The following TG variants were observed in gnomAD, a reference collection of about 807,000 sequenced individuals.
The protein encoded by TG is thyroglobulin.
In TG, 270 loss-of-function variants were observed where a neutral mutation model predicts 324.7. The ratio of observed to expected loss-of-function variants is 0.83; its 90% CI spans 0.75 to 0.92. The LOEUF is 0.92. TG is among the 40% of genes least tolerant of loss of function. The pLI is 0.00. For synonymous variants in TG, 1,401 were observed against 1,327.0 expected, an observed-to-expected ratio of 1.06 and a Z score of -1.21; for missense variants, 3,591 against 3,456.4, an observed-to-expected ratio of 1.04 and a Z score of -0.98.
chr8:132,906,516 G>A lies in TG; in HGVS notation c.3635-172G>A, dbSNP rs567443186. On this transcript the variant is annotated intron_variant, in intron 16 of 47. Transcript: ENST00000220616. ...TGGGCTCATCCAAGTAGAGGGCAGG[G>A]CAGAGAGAAAGGGGAGCAGGCCCAG... is the stretch of plus-strand genomic sequence containing the variant. 2.6e-5 allele frequency among the ~76,000 whole-genome samples: 4 copies of A among 152,192 alleles called. No individual in the cohort carries two copies. The South Asian group carries it at 6.2e-4, about 24-fold the overall frequency.
At chr8:133,014,682 G>A (rs1168934966) in intron 37 of TG, among the ~76,000 whole-genome samples, 1 of 152,174 alleles carries the variant, frequency 6.6e-6, no homozygotes, top group Non-Finnish European at 1.5e-5. Context: ...GCCCCATGCT[G>A]TCCTAGAGCA....
Position 133,011,917 on chromosome 8 carries a change from G to A in TG, c.6279G>A (p.Trp2093Ter), listed in dbSNP as rs1239097330. The change falls in exon 36 of 48, where the codon TGG becomes TGA. Residue 2093 changes from tryptophan to a stop codon, truncating the protein, a stop_gained. Coordinates refer to ENST00000220616, the MANE Select transcript of TG (RefSeq NM_003235.5). LOFTEE classifies it high-confidence loss of function. ...SLTEKVSLDS[W>*]QSLALSSVVV... ...CTCTCCTAGTGTCTCTGGACTCGTG[G>A]CAGTCCCTGGCCCTCTCTTCAGTGG... is the stretch of plus-strand genomic sequence containing the variant. 1 of 1,614,186 alleles carries A rather than the reference G, an allele frequency of 6.2e-7. No homozygotes were observed. The highest frequency in any genetic ancestry group is 8.5e-7 in the Non-Finnish European group (1 of 1,180,036).
At chr8:133,007,709 G>A (rs1834144568) in intron 35 of TG, among the ~76,000 whole-genome samples, 2 of 151,254 alleles carry the variant, frequency 1.3e-5, no homozygotes, top group South Asian at 4.2e-4. Context: ...TGGGATTAAA[G>A]ACAATTAAAG....
At chr8:133,071,557 C>G (rs2739149) in intron 41 of TG, among the ~76,000 whole-genome samples, 59,045 of 151,864 alleles carry the variant, frequency 0.39, 11,972 homozygotes, top group Non-Finnish European at 0.46. Context: ...GGTGGGTCCA[C>G]ACACTCTGGT....
chr8:132,946,442 G>C (rs894089070), intron 26 of TG, among the ~76,000 whole-genome samples: 1 of 152,050 alleles, frequency 6.6e-6, no homozygotes, highest in Non-Finnish European at 1.5e-5. Flanking sequence ...ATAAAGTATC[G>C]GGCAGATGTT....
At chr8:133,026,257 G>C (rs1181575841) in intron 40 of TG, among the ~76,000 whole-genome samples, 2 of 152,196 alleles carry the variant, frequency 1.3e-5, no homozygotes, top group African/African-American at 4.8e-5. Context: ...CGGTCCCTGA[G>C]AGCCCCAGAC....
Position 132,887,465 on chromosome 8 carries a change from G to T in TG, c.2093G>T (p.Cys698Phe), listed in dbSNP as rs551099486. The change falls in exon 9 of 48, where the codon TGC becomes TTC. Residue 698 changes from cysteine (C) to phenylalanine (F), a missense_variant. Coordinates refer to ENST00000220616, the MANE Select transcript of TG (RefSeq NM_003235.5). ...TSEGHFLPVQ[C>F]FNSECYCVDA... Reference sequence around the variant, plus strand: ...GAGGGACATTTCCTGCCTGTCCAGTGCTTCAACTCAGAGTGCTACTGTGTT... The same window carrying T: ...GAGGGACATTTCCTGCCTGTCCAGTTCTTCAACTCAGAGTGCTACTGTGTT... 3 of 1,614,168 alleles carry T rather than the reference G, an allele frequency of 1.9e-6. No homozygotes were observed. The highest frequency in any genetic ancestry group is 1.1e-5 in the South Asian group (1 of 91,082).
Position 132,971,789 on chromosome 8 carries a change from G to T in TG, c.5976-5G>T. The T allele has an allele frequency of 2.5e-6, 4 of 1,610,266 alleles. No individual in the cohort carries two copies. Among genetic ancestry groups the T allele is most frequent in the Non-Finnish European group, 3.4e-6 (4 of 1,176,584 alleles). Reference sequence around the variant, plus strand: ...TCAGGCCTGCTCTTTCTCTTCCTATGCCAGGTTCTTTGAATGTGAACGACG... The same window carrying T: ...TCAGGCCTGCTCTTTCTCTTCCTATTCCAGGTTCTTTGAATGTGAACGACG... On this transcript the variant is annotated splice_region_variant and splice_polypyrimidine_tract_variant and intron_variant, in intron 32 of 47. Transcript: ENST00000220616.
rs1319696698 is a variant in TG, at chr8:132,901,537, C to T, written c.3618C>T (p.Gly1206=). 2.5e-6 allele frequency: 4 copies of T among 1,613,260 alleles called. No homozygotes were observed. The Admixed American group carries it at 6.7e-5, about 27-fold the overall frequency. The part of the protein sequence containing the change: ...EEVPGTRVTG[G]QPACESPRCP... The stretch of plus-strand genomic sequence containing the variant: ...TGCCTGGGACGCGCGTGACCGGGGG[C>T]CAGCCCGCCTGTGAGAGTAAGTCAT... The change falls in exon 16 of 48, where the codon GGC becomes GGT. Residue 1206 remains glycine, a synonymous_variant. Coordinates refer to ENST00000220616, the MANE Select transcript of TG (RefSeq NM_003235.5).
At chr8:133,096,419 A>G in intron 43 of TG, 46 bp downstream of exon 43, 1 of 1,611,066 alleles carries the variant, frequency 6.2e-7, no homozygotes, top group Non-Finnish European at 8.5e-7. Context: ...GGCATTTCCT[A>G]AGGGCTCTGG....
chr8:132,971,941 C>A, intron 33 of TG, 68 bp downstream of exon 33: 1 of 1,117,066 alleles, frequency 9.0e-7, no homozygotes, highest in Non-Finnish European at 1.4e-6. Flanking sequence ...ACATTCACAT[C>A]TATGCTTTTA....
chr8:133,086,354 A>G (rs1846559622), intron 41 of TG, among the ~76,000 whole-genome samples: 1 of 152,242 alleles, frequency 6.6e-6, no homozygotes, highest in Non-Finnish European at 1.5e-5. Flanking sequence ...TGGTATGTGA[A>G]TTATATCACA....
intron 28 of TG, among the ~76,000 whole-genome samples, chr8:132,961,547 C>T (rs1007054319): frequency 7.2e-5 from 11 of 152,180 alleles, no homozygotes; most frequent in African/African-American, 2.7e-4. Flanking sequence ...GAGAGTCTGA[C>T]AACATGTATG....
At chr8:133,037,404 A>T (rs1837290911) in intron 41 of TG, 1 of 152,122 alleles carries the variant, frequency 6.6e-6, no homozygotes, top group South Asian at 2.1e-4. Flanking sequence ...CGGGTGAGTT[A>T]ATTCTTTAGA....
At position 133,029,887 on chromosome 8, in the gene TG, C is replaced by A. The variant is rs766646972; in HGVS notation, c.7103C>A (p.Thr2368Asn). ...DQVAALTWVQTHIRGFGGDPR... is the reference protein window; with the variant it reads ...DQVAALTWVQNHIRGFGGDPR... ...GTGGCGGCTCTGACCTGGGTGCAGA[C>A]CCACATCCGAGGATTTGGCGGGGAC... is the stretch of plus-strand genomic sequence containing the variant. Residue 2368 changes from threonine to asparagine, a missense_variant, in exon 41 of 48, where the codon ACC (threonine) becomes AAC (asparagine). Physicochemically the swap from Thr to Asn is moderately conservative, Grantham distance 65. Coordinates refer to ENST00000220616, the MANE Select transcript of TG (RefSeq NM_003235.5). 2.5e-6 allele frequency: 4 copies of A among 1,614,198 alleles called. No homozygotes were observed. Among genetic ancestry groups the A allele is most frequent in the Non-Finnish European group, 2.5e-6 (3 of 1,180,038 alleles).
chr8:133,056,912 C>T (rs376726895), intron 41 of TG, among the ~76,000 whole-genome samples: 8 of 152,224 alleles, frequency 5.3e-5, no homozygotes, highest in Non-Finnish European at 2.9e-5. Flanking sequence ...ATTCAGCTGG[C>T]GGCTACCTTC....
chr8:133,105,225 G>A (rs1849698736), intron 43 of TG, among the ~76,000 whole-genome samples: 1 of 152,150 alleles, frequency 6.6e-6, no homozygotes, highest in African/African-American at 2.4e-5. Context: ...AGCAAAAATT[G>A]ACTACAGGCT....
At chr8:133,027,845 C>T (rs3161) in intron 40 of TG, among the ~76,000 whole-genome samples, 33,105 of 152,150 alleles carry the variant, frequency 0.22, 4,168 homozygotes, top group African/African-American at 0.33. Flanking sequence ...GTTTCAGTTT[C>T]TTCACCAGTA....
intron 43 of TG, chr8:133,102,672 C>T (rs1849418488): frequency 1.9e-6 from 2 of 1,047,214 alleles, no homozygotes; most frequent in East Asian, 2.6e-5. Context: ...ATTTCTCCCC[C>T]TTTTCTCTTT....
Sources: allele counts gnomAD v4.1 joint callset (sites outside exome capture counted in the v4.1 genomes callset), GRCh38; gene constraint gnomAD v4.1.1; transcripts MANE v1.5; gene names NCBI Gene and HGNC (gene_info 2026-07-23, HGNC 2026-07-21).